The following NACC2 variants were observed in gnomAD, a reference collection of about 807,000 sequenced individuals.
NACC2 encodes the protein nucleus accumbens-associated protein 2.
A neutral mutation model predicts 25.1 loss-of-function variants in NACC2; 8 were observed. That is an observed-to-expected ratio of 0.32 (90% confidence interval 0.19 to 0.57). The LOEUF is 0.57. Among genes scored for constraint, NACC2 ranks in the 20% least tolerant of loss-of-function variants. NACC2 has a pLI of 0.89. For synonymous variants in NACC2, 435 were observed against 294.7 expected (o/e 1.48, Z -4.88); for missense variants, 644 against 650.2 (o/e 0.99, Z 0.10).
chr9:136,015,581 T>C lies in NACC2; in HGVS notation c.1051+684A>G, dbSNP rs1407598675. On this transcript the variant is annotated intron_variant, in intron 3 of 5. Coordinates refer to ENST00000277554, the MANE Select transcript of NACC2 (RefSeq NM_144653.5). Reference sequence around the variant, plus strand: ...CTGCCCAAGGTATGGCCTTTGGGGGTGGACAGGAACAGGACAGGGCTACGC... The same window carrying C: ...CTGCCCAAGGTATGGCCTTTGGGGGCGGACAGGAACAGGACAGGGCTACGC... Among the ~76,000 whole-genome samples the C allele has an allele frequency of 2.0e-5, 3 of 148,058 alleles. No individual in the cohort carries two copies. In the East Asian group the frequency reaches 5.9e-4, roughly 29 times the overall value.
intron 2 of NACC2, among the ~76,000 whole-genome samples, chr9:136,023,043 AG>A (rs1262645089): frequency 4.1e-5 from 3 of 74,010 alleles, no homozygotes; most frequent in East Asian, 4.1e-4. Context: ...GGAAGGAGGG[AG>A]GGAAGGAGGG....
At position 136,042,449 on chromosome 9, in the gene NACC2, G is replaced by A. The variant is rs551232627; in HGVS notation, c.886+7187C>T. 1.2e-3 allele frequency among the ~76,000 whole-genome samples: 179 copies of A among 152,124 alleles called. 2 individuals carry two copies. Among genetic ancestry groups the A allele is most frequent in the African/African-American group, 4.2e-3 (173 of 41,480 alleles). ...GAAATAGGCCTGCAGGTACGTATTC[G>A]ACTGATTCTTGTCAAAGGTGTGAAG... On this transcript the variant is annotated intron_variant, in intron 2 of 5. Coordinates refer to ENST00000277554, the MANE Select transcript of NACC2 (RefSeq NM_144653.5).
In NACC2 at chr9:136,024,268, GGTGTGTGTGAGGACAGAGGGTGC is replaced by G. The variant is rs1411256878; in HGVS notation, c.887-7862_887-7840del. Among the ~76,000 whole-genome samples the G allele has an allele frequency of 2.9e-4, 24 of 83,790 alleles. No individual in the cohort carries two copies. The East Asian group carries it at 7.5e-3, about 26-fold the overall frequency. The allele number at this position is 83,790 out of a possible 152,430, so 55.0% of individuals were successfully genotyped here. A position where few individuals can be genotyped will look rare whatever the true frequency, so the allele number is the denominator to read the frequency against. ...ACAGAGGGTGTGTGTGAGGACAGAG[GGTGTGTGTGAGGACAGAGGGTGC>G]GTGTGTGTGAGGACAGAGGGTTTGT... On this transcript the variant is annotated intron_variant, in intron 2 of 5. Coordinates refer to ENST00000277554, the MANE Select transcript of NACC2 (RefSeq NM_144653.5).
At chr9:136,081,190 C>CTGGAGGTTT (rs1331208355) in intron 1 of NACC2, among the ~76,000 whole-genome samples, 3 of 152,222 alleles carry the variant, frequency 2.0e-5, no homozygotes, top group Non-Finnish European at 2.9e-5. Flanking sequence ...TCTCCAGCCA[C>CTGGAGGTTT]CCAGGCCGCT....
intron 1 of NACC2, among the ~76,000 whole-genome samples, chr9:136,054,566 G>C (rs1840897141): frequency 6.6e-6 from 1 of 152,186 alleles, no homozygotes; most frequent in Non-Finnish European, 1.5e-5. Flanking sequence ...TACACCCAGA[G>C]AGGAGGGGGC....
At chr9:136,057,240 CT>C (rs1165919296) in intron 1 of NACC2, among the ~76,000 whole-genome samples, 1 of 152,244 alleles carries the variant, frequency 6.6e-6, no homozygotes, top group African/African-American at 2.4e-5. Flanking sequence ...GGCATGGCCC[CT>C]GGCCACCAAC....
At chr9:136,080,919 C>T (rs918765585) in intron 1 of NACC2, among the ~76,000 whole-genome samples, 3 of 152,156 alleles carry the variant, frequency 2.0e-5, no homozygotes, top group African/African-American at 7.2e-5. Flanking sequence ...CCCAGCCGCT[C>T]GAGTAGGTCG....
intron 2 of NACC2, among the ~76,000 whole-genome samples, chr9:136,038,309 G>T (rs1375110396): frequency 6.6e-6 from 1 of 152,210 alleles, no homozygotes; most frequent in African/African-American, 2.4e-5. Context: ...GCCAAGGCCG[G>T]TGGATTGCTT....
chr9:136,011,683 C>A lies in NACC2; in HGVS notation c.1597G>T (p.Asp533Tyr). The A allele has an allele frequency of 3.4e-6, 5 of 1,460,662 alleles. No homozygotes were observed. Among genetic ancestry groups the A allele is most frequent in the Non-Finnish European group, 4.5e-6 (5 of 1,109,828 alleles). The allele number at this position is 1,460,662 out of a possible 1,614,324, so 90.5% of individuals were successfully genotyped here. ...TCCTGGATGACCGAGCCAGCCCCGT[C>A]CACCTCCTCGCCGGCGTCGAAGGCG... is the stretch of plus-strand genomic sequence containing the variant. ...NPAFDAGEEV[D>Y]GAGSVIQEVA... is the part of the protein sequence containing the mutation. Residue 533 changes from aspartate (D) to tyrosine (Y), a missense_variant, in exon 6 of 6, where the codon GAC becomes TAC. By Grantham distance (160) the Asp-to-Tyr change is radical. Transcript: ENST00000277554.
At chr9:136,042,368 G>A (rs1257863862) in intron 2 of NACC2, among the ~76,000 whole-genome samples, 1 of 152,136 alleles carries the variant, frequency 6.6e-6, no homozygotes, top group African/African-American at 2.4e-5. Context: ...TAATCCTGAC[G>A]GGGGGTATCT....
At chr9:136,074,879 C>T (rs1020365932) in intron 1 of NACC2, among the ~76,000 whole-genome samples, 11 of 152,216 alleles carry the variant, frequency 7.2e-5, no homozygotes, top group African/African-American at 2.7e-4. Context: ...CCTTCCCAGC[C>T]GAGGCGGAGT....
intron 2 of NACC2, among the ~76,000 whole-genome samples, chr9:136,047,624 A>G (rs917226591): frequency 2.4e-4 from 36 of 152,280 alleles, no homozygotes; most frequent in African/African-American, 6.3e-4. Flanking sequence ...CTCAGCCCCA[A>G]TGGGACTGTA....
Position 136,049,835 on chromosome 9 carries a change from C to T in NACC2, c.687G>A (p.Leu229=), listed in dbSNP as rs1271574334. The T allele has an allele frequency of 5.6e-6, 4 of 713,428 alleles. No individual in the cohort carries two copies. Among genetic ancestry groups the T allele is most frequent in the Admixed American group, 4.1e-5 (2 of 48,936 alleles). 44.2% of individuals were successfully genotyped at this position (713,428 alleles called of 1,614,324 possible). A position where few individuals can be genotyped will look rare whatever the true frequency, so the allele number is the denominator to read the frequency against. ...GCTGGATGCCGGGGATGAGGGTGGC[C>T]AGGCTGGGCACCCCGTAGTAGGAGA... ...PRVSYYGVPS[L]ATLIPGIQQM... is the part of the protein sequence containing the mutation. Residue 229 remains leucine, a synonymous_variant, in exon 2 of 6, where the codon CTG becomes CTA. Coordinates refer to ENST00000277554, the MANE Select transcript of NACC2 (RefSeq NM_144653.5).
intron 1 of NACC2, among the ~76,000 whole-genome samples, chr9:136,053,180 A>C (rs1181068406): frequency 6.6e-6 from 1 of 151,914 alleles, no homozygotes; most frequent in African/African-American, 2.4e-5. Context: ...CCTGCCCCTC[A>C]CTCCCGGCGC....
Position 136,061,185 on chromosome 9 carries a change from CTG to C in NACC2, c.-59-10607_-59-10606del, listed in dbSNP as rs374767905. Reference sequence around the variant, plus strand: ...GCACAGCCCCCACCGTGAGCTCAGACTGTGCCGGCTACCGGGGTCTCCCACTG... The same window carrying C: ...GCACAGCCCCCACCGTGAGCTCAGACTGCCGGCTACCGGGGTCTCCCACTG... On this transcript the variant is annotated intron_variant, in intron 1 of 5. Coordinates refer to ENST00000277554, the MANE Select transcript of NACC2 (RefSeq NM_144653.5). Among the ~76,000 whole-genome samples, 39 of 152,316 alleles carry C rather than the reference CTG, an allele frequency of 2.6e-4. No individual in the cohort carries two copies. In the East Asian group the frequency reaches 6.2e-3, roughly 24 times the overall value.
Position 136,019,396 on chromosome 9 carries a change from C to T in NACC2, c.887-2967G>A, listed in dbSNP as rs1461952076. ...GCCCCTGCCGGTCACACTGAGGTCC[C>T]TCCTGAGCCTGGGTCTCGGGTACTG... On this transcript the variant is annotated intron_variant, in intron 2 of 5. Transcript: ENST00000277554. This position sits in a 1 kb window ranked among gnomAD's most constrained non-coding sequence, Gnocchi z 5.2. 6.6e-6 allele frequency: 1 copy of T among 152,234 alleles called. No individual in the cohort carries two copies. The highest frequency in any genetic ancestry group is 2.4e-5 in the African/African-American group (1 of 41,456). The allele number at this position is 152,234 out of a possible 1,614,324, so 9.4% of individuals were successfully genotyped here.
chr9:136,066,950 A>T (rs1459301513), intron 1 of NACC2, among the ~76,000 whole-genome samples: 16 of 149,180 alleles, frequency 1.1e-4, no homozygotes, highest in Middle Eastern at 3.4e-3. Context: ...AAAAGATTAA[A>T]AAAAAAAAAA....
At chr9:136,053,408 G>GA (rs1220965014) in intron 1 of NACC2, among the ~76,000 whole-genome samples, 1 of 152,194 alleles carries the variant, frequency 6.6e-6, no homozygotes, top group African/African-American at 2.4e-5. Flanking sequence ...AGGAGACTGG[G>GA]ATGGGGGCGT....
Position 136,085,502 on chromosome 9 carries a change from C to CAA in NACC2, c.-60+9685_-60+9686dup, listed in dbSNP as rs995128721. Among the ~76,000 whole-genome samples the CAA allele has an allele frequency of 1.2e-3, 159 of 133,350 alleles. 1 individual carries two copies. Among genetic ancestry groups the CAA allele is most frequent in the African/African-American group, 4.0e-3 (146 of 36,528 alleles). The allele number at this position is 133,350 out of a possible 152,430, so 87.5% of individuals were successfully genotyped here. On this transcript the variant is annotated intron_variant, in intron 1 of 5. Coordinates refer to ENST00000277554, the MANE Select transcript of NACC2 (RefSeq NM_144653.5). ...AGCCTGGGCGACAGAGCAAGACTCTCAAAAAAAAAAAAAGTTTTTAATTAA... is the reference window on the plus strand; with the variant it reads ...AGCCTGGGCGACAGAGCAAGACTCTCAAAAAAAAAAAAAAAGTTTTTAATTAA...
Sources: gnomAD v4.1 joint callset for allele counts (sites outside exome capture counted in the v4.1 genomes callset) on GRCh38, gnomAD v4.1.1 for gene constraint, Gnocchi (gnomAD v3.1) non-coding constraint, MANE v1.5 for transcripts, NCBI Gene and HGNC (gene_info 2026-07-23, HGNC 2026-07-21) for gene names.